CSTF2: variants seen among roughly 807,000 people sequenced by gnomAD.
CSTF2 encodes cleavage stimulation factor subunit 2.
A neutral mutation model predicts 45.4 loss-of-function variants in CSTF2; 8 were observed. The ratio of observed to expected loss-of-function variants is 0.18; its 90% confidence interval spans 0.10 to 0.32. The LOEUF (loss-of-function observed/expected upper bound fraction) is 0.32, where lower values mean the gene tolerates loss of function less well. Ranked by LOEUF, CSTF2 falls within the 10% of genes least tolerant of loss-of-function variation. The pLI, the probability that CSTF2 is intolerant of heterozygous loss-of-function variation, is 1.00. For missense variants in CSTF2, 253 were observed against 477.1 expected, an observed-to-expected ratio of 0.53 and a Z score of 4.38; for synonymous variants, 155 against 158.9, an observed-to-expected ratio of 0.98 and a Z score of 0.18.
In CSTF2 at chrX:100,822,392, C is replaced by T. The variant is rs1432484015; in HGVS notation, c.279C>T (p.Ala93=). The part of the protein sequence containing the change: ...SGRALRVDNA[A]SEKNKEELKS... The stretch of plus-strand genomic sequence containing the variant: ...GAGCACTTCGAGTGGACAATGCTGC[C>T]AGTGAAAAGAACAAAGAAGAGCTGA... Residue 93 remains alanine, a synonymous_variant, in exon 3 of 14, where the codon GCC becomes GCT. Coordinates refer to ENST00000372972, the MANE Select transcript of CSTF2 (RefSeq NM_001325.3). 1 of 1,211,324 alleles carries T rather than the reference C, an allele frequency of 8.3e-7. No homozygotes were observed.
intron 3 of CSTF2, 90 bp from the exon 4 acceptor site, chrX:100,823,202 T>C (rs769840120): frequency 1.3e-4 from 129 of 1,019,213 alleles, no homozygotes; most frequent in Non-Finnish European, 1.6e-4. Flanking sequence ...TATCAGCTGG[T>C]TCTTACAGCA....
chrX:100,824,238 C>T lies in CSTF2; in HGVS notation c.683C>T (p.Ala228Val), dbSNP rs150166686. 3 of 1,207,803 alleles carry T rather than the reference C, an allele frequency of 2.5e-6. No homozygotes were observed. The highest frequency in any genetic ancestry group is 3.4e-6 in the Non-Finnish European group (3 of 894,203). ...NVSMNQQNPQAPQAQSLGGMH... is the reference protein window; with the variant it reads ...NVSMNQQNPQVPQAQSLGGMH... ...TCAATGAACCAGCAGAATCCTCAGGCCCCTCAGGCCCAGTCTTTGGTAGGG... is the reference window on the plus strand; with the variant it reads ...TCAATGAACCAGCAGAATCCTCAGGTCCCTCAGGCCCAGTCTTTGGTAGGG... Residue 228 changes from alanine to valine, a missense_variant, in exon 6 of 14, where the codon GCC becomes GTC. This residue lies in a region of CSTF2 where 200 missense variants were observed against 294.0 expected (regional missense o/e 0.68). Transcript: ENST00000372972.
intron 13 of CSTF2, 73 bp downstream of exon 13, chrX:100,838,437 C>G: frequency 8.0e-6 from 8 of 999,729 alleles, no homozygotes; most frequent in Non-Finnish European, 1.1e-5. Flanking sequence ...TTAACCTTAA[C>G]CAACAAGATT....
chrX:100,823,041 T>C lies in CSTF2; in HGVS notation c.308-251T>C, dbSNP rs746915283. Among the ~76,000 whole-genome samples, 809 of 111,559 alleles carry C rather than the reference T, an allele frequency of 7.3e-3. 7 individuals carry two copies. The highest frequency in any genetic ancestry group is 0.012 in the Non-Finnish European group (645 of 53,100). ...AATGACTTGTTAAAAGAAGTCAATG[T>C]GCCTAGTTCTCTAACTTAGGTTAAC... On this transcript the variant is annotated intron_variant, in intron 3 of 13. Coordinates refer to ENST00000372972, the MANE Select transcript of CSTF2 (RefSeq NM_001325.3).
intron 9 of CSTF2, among the ~76,000 whole-genome samples, chrX:100,832,164 C>T (rs1398431903): frequency 2.7e-5 from 3 of 111,536 alleles, no homozygotes; most frequent in Non-Finnish European, 5.6e-5. Flanking sequence ...TTGCAGTGAG[C>T]CGAGGTCATG....
intron 8 of CSTF2, 144 bp downstream of exon 8, chrX:100,828,246 C>A: frequency 2.2e-6 from 1 of 454,536 alleles, no homozygotes; most frequent in Non-Finnish European, 3.6e-6. Flanking sequence ...AAACTCAGTT[C>A]CTCAGTCACA....
At chrX:100,820,635 C>T in intron 1 of CSTF2, 161 bp downstream of exon 1, 1 of 568,214 alleles carries the variant, frequency 1.8e-6, no homozygotes, top group Non-Finnish European at 3.1e-6. Flanking sequence ...AAGAGATATT[C>T]CCATTCTGCC....
At chrX:100,829,712 A>G (rs1409660222) in intron 8 of CSTF2, among the ~76,000 whole-genome samples, 1 of 110,979 alleles carries the variant, frequency 9.0e-6, no homozygotes, top group Non-Finnish European at 1.9e-5. Context: ...ACATCCCTCT[A>G]TCCCCACCGC....
chrX:100,820,440 C>G lies in CSTF2; in HGVS notation c.24C>G (p.Asp8Glu). Residue 8 changes from aspartate to glutamate, a missense_variant, in exon 1 of 14, where the codon GAC becomes GAG. Asp to Glu is a conservative substitution (Grantham distance 45). This residue lies in a region of CSTF2 where 45 missense variants were observed against 147.5 expected (regional missense o/e 0.31). Coordinates refer to ENST00000372972, the MANE Select transcript of CSTF2 (RefSeq NM_001325.3). ...CTATGGCGGGTTTGACTGTGAGAGA[C>G]CCAGCGGTGGATCGTTCTCTACGTT... is the stretch of plus-strand genomic sequence containing the variant. MAGLTVR[D>E]PAVDRSLRSV... The G allele has an allele frequency of 5.0e-6, 6 of 1,211,839 alleles. No individual in the cohort carries two copies. Among genetic ancestry groups the G allele is most frequent in the Non-Finnish European group, 6.7e-6 (6 of 895,309 alleles).
rs2085037495 is a variant in CSTF2, at chrX:100,841,225, C to T, written c.*515C>T. Among the ~76,000 whole-genome samples, 1 of 112,474 alleles carries T rather than the reference C, an allele frequency of 8.9e-6. No homozygotes were observed. The highest frequency in any genetic ancestry group is 9.4e-5 in the Admixed American group (1 of 10,610). On this transcript the variant is annotated 3_prime_UTR_variant, in exon 14 of 14. Transcript: ENST00000372972. ...AGGAGAAAATATCACATGCTTAGAG[C>T]TATAAAATGGTCAGAAGGCTAACAG...
chrX:100,822,239 T>C lies in CSTF2; in HGVS notation c.138-12T>C. 8.3e-7 allele frequency: 1 copy of C among 1,200,163 alleles called. No individual in the cohort carries two copies. The highest frequency in any genetic ancestry group is 1.1e-6 in the Non-Finnish European group (1 of 887,758). ...GTAACATTTGTTCCTGACACTTGGT[T>C]CTGCTCTCCAGATTGGTATACGATA... On this transcript the variant is annotated splice_polypyrimidine_tract_variant and intron_variant, in intron 2 of 13. Coordinates refer to ENST00000372972, the MANE Select transcript of CSTF2 (RefSeq NM_001325.3).
Position 100,826,745 on chromosome X carries a change from T to A in CSTF2, c.814T>A (p.Leu272Ile). The change falls in exon 7 of 14, where the codon TTA (leucine) becomes ATA (isoleucine). Residue 272 changes from leucine to isoleucine, a missense_variant. Leu to Ile is a conservative substitution (Grantham distance 5). This residue lies in a region of CSTF2 where 200 missense variants were observed against 294.0 expected (regional missense o/e 0.68). Coordinates refer to ENST00000372972, the MANE Select transcript of CSTF2 (RefSeq NM_001325.3). ...AAVTGPGPGS[L>I]APGGGMQAQV... is the part of the protein sequence containing the mutation. Reference sequence around the variant, plus strand: ...TGTCACAGGACCTGGCCCTGGTTCCTTAGCTCCTGGAGGTAAGTTTCATTT... The same window carrying A: ...TGTCACAGGACCTGGCCCTGGTTCCATAGCTCCTGGAGGTAAGTTTCATTT... 2 of 1,209,834 alleles carry A rather than the reference T, an allele frequency of 1.7e-6. No individual in the cohort carries two copies. The highest frequency in any genetic ancestry group is 2.2e-6 in the Non-Finnish European group (2 of 894,430).
chrX:100,832,777 G>A lies in CSTF2; in HGVS notation c.1075G>A (p.Val359Ile), dbSNP rs1569440422. Residue 359 changes from valine (V) to isoleucine (I), a missense_variant, in exon 10 of 14, where the codon GTC becomes ATC. Physicochemically the swap from Val to Ile is conservative, Grantham distance 29 (BLOSUM62 3). This residue lies in a region of CSTF2 where 200 missense variants were observed against 294.0 expected (regional missense o/e 0.68). Coordinates refer to ENST00000372972, the MANE Select transcript of CSTF2 (RefSeq NM_001325.3). ...TCATCAGGGTCCACCCATGCACCAT[G>A]TCCCTGGCCATGAGAGCCGAGGACC... The part of the protein sequence containing the change: ...PPHQGPPMHH[V>I]PGHESRGPPP... The A allele has an allele frequency of 1.7e-6, 2 of 1,211,418 alleles. No individual in the cohort carries two copies. The highest frequency in any genetic ancestry group is 5.9e-5 in the East Asian group (2 of 33,832).
chrX:100,821,627 T>C (rs931713126), intron 2 of CSTF2, 22 bp downstream of exon 2: 1 of 1,107,219 alleles, frequency 9.0e-7, no homozygotes, highest in Non-Finnish European at 1.2e-6. Context: ...TTTTCCTTCA[T>C]GGTGGGAGCT....
intron 6 of CSTF2, among the ~76,000 whole-genome samples, chrX:100,826,291 C>CTT (rs771545462): frequency 8.2e-4 from 56 of 67,948 alleles, no homozygotes; most frequent in African/African-American, 2.4e-3. Context: ...GGGTTTAGGG[C>CTT]TTTTTTTTTT....
Position 100,824,022 on chromosome X carries a change from C to G in CSTF2, c.564+17C>G. The G allele has an allele frequency of 8.3e-7, 1 of 1,210,674 alleles. No individual in the cohort carries two copies. Among genetic ancestry groups the G allele is most frequent in the Non-Finnish European group, 1.1e-6 (1 of 894,959 alleles). On this transcript the variant is annotated intron_variant, in intron 5 of 13. Transcript: ENST00000372972. ...ATTGCCCTGGTGAGTGCTTCTGGTT[C>G]TTTTATGGAAATGGTCGGGTAAACC...
rs868600567 is a variant in CSTF2 at position 100,830,853 on chromosome X, T to C, written c.890-662T>C. On this transcript the variant is annotated intron_variant, in intron 8 of 13. Coordinates refer to ENST00000372972, the MANE Select transcript of CSTF2 (RefSeq NM_001325.3). ...GTGGGACCCGCCGGGCCTGCATCAA[T>C]TGAGCGAGTTCAAGGTACCCATTGT... is the stretch of plus-strand genomic sequence containing the variant. 6.9e-6 allele frequency: 8 copies of C among 1,153,837 alleles called. No individual in the cohort carries two copies. In the Middle Eastern group the frequency reaches 1.9e-3, roughly 268 times the overall value.
At chrX:100,836,874 C>T (rs776738461) in intron 11 of CSTF2, among the ~76,000 whole-genome samples, 1 of 112,105 alleles carries the variant, frequency 8.9e-6, no homozygotes, top group Non-Finnish European at 1.9e-5. Flanking sequence ...CTCTGCCTCA[C>T]TTGTGGGATA....
rs759081383 is a variant in CSTF2, at chrX:100,824,131, T to C, written c.576T>C (p.His192=). The C allele has an allele frequency of 8.3e-7, 1 of 1,211,538 alleles. No individual in the cohort carries two copies. The highest frequency in any genetic ancestry group is 1.8e-5 in the South Asian group (1 of 56,890). Reference sequence around the variant, plus strand: ...TTTTCACTTTTTAGAAAATTCTGCATCGCCAGACAAATATCCCAACGCTGA... The same window carrying C: ...TTTTCACTTTTTAGAAAATTCTGCACCGCCAGACAAATATCCCAACGCTGA... ...VDPEIALKIL[H]RQTNIPTLIA... Residue 192 remains histidine, a synonymous_variant, in exon 6 of 14, where the codon CAT becomes CAC. Transcript: ENST00000372972.
Sources: allele counts gnomAD v4.1 joint callset (sites outside exome capture counted in the v4.1 genomes callset), GRCh38; gene constraint gnomAD v4.1.1; regional missense constraint gnomAD v4.1.1; transcripts MANE v1.5; gene names NCBI Gene and HGNC (gene_info 2026-07-23, HGNC 2026-07-21).